Variants in RBM23 observed in about 807,000 individuals in gnomAD.
RBM23 encodes the protein RNA binding motif protein 23, also known as probable RNA-binding protein 23.
RBM23 carries 53 observed loss-of-function variants against 56.2 expected under a neutral mutation model. The observed-to-expected ratio is 0.94, with a 90% CI of 0.76 to 1.19. The LOEUF is 1.19. Among genes scored for constraint, RBM23 ranks in the 50% most tolerant of loss-of-function variants. The probability of loss-of-function intolerance (pLI) is 0.00; values close to 1 mark genes in which losing one functional copy is unlikely to be tolerated. For missense variants in RBM23, 642 were observed against 590.3 expected (o/e 1.09, Z -0.91); for synonymous variants, 197 against 198.5 (o/e 0.99, Z 0.06).
At chr14:22,906,158 A>G (rs755728969) in intron 5 of RBM23, 37 bp downstream of exon 5, 2 of 1,608,830 alleles carry the variant, frequency 1.2e-6, no homozygotes, top group Admixed American at 3.3e-5. Context: ...TATCCAGATT[A>G]TTATACAAAA....
chr14:22,916,337 A>G (rs1399912311), intron 1 of RBM23, among the ~76,000 whole-genome samples: 1 of 151,526 alleles, frequency 6.6e-6, no homozygotes, highest in Non-Finnish European at 1.5e-5. Flanking sequence ...GCTCACTGCA[A>G]CCTCTGCCTC....
At chr14:22,902,832 T>C (rs1278133104) in intron 10 of RBM23, 2 of 934,984 alleles carry the variant, frequency 2.1e-6, no homozygotes, top group Admixed American at 7.8e-5. Context: ...TAGAGTGCAG[T>C]GGCACCATGT....
In RBM23 at chr14:22,902,063, G is replaced by C. The variant is rs750481953; in HGVS notation, c.1163C>G (p.Ala388Gly). The C allele has an allele frequency of 1.1e-5, 18 of 1,612,328 alleles. No homozygotes were observed. The highest frequency in any genetic ancestry group is 1.5e-5 in the Non-Finnish European group (18 of 1,178,868). The change falls in exon 12 of 14, where the codon GCT (alanine) becomes GGT (glycine). Residue 388 changes from alanine (A) to glycine (G), a missense_variant. Transcript: ENST00000359890. Reference protein sequence around the residue: ...GIQLPSTAAAAAAAAAQAAAL... With the variant: ...GIQLPSTAAAGAAAAAQAAAL... ...AGCAGCCTGGGCGGCGGCGGCAGCAGCAGCAGCAGCAGTGCTTGGCAGTTG... is the reference window on the plus strand; with the variant it reads ...AGCAGCCTGGGCGGCGGCGGCAGCACCAGCAGCAGCAGTGCTTGGCAGTTG...
intron 1 of RBM23, among the ~76,000 whole-genome samples, chr14:22,915,314 C>G (rs550440685): frequency 4.6e-5 from 7 of 152,232 alleles, no homozygotes; most frequent in African/African-American, 1.7e-4. Flanking sequence ...AACTCTCCTG[C>G]CTCAGCCTCC....
intron 1 of RBM23, 135 bp downstream of exon 1, chr14:22,918,864 T>A (rs1462051822): frequency 6.6e-6 from 1 of 152,122 alleles, no homozygotes; most frequent in Non-Finnish European, 1.5e-5. Flanking sequence ...CAAACAAAGG[T>A]TTTTTTAATG....
Position 22,897,836 on chromosome 14 carries a change from A to G in RBM23, c.*3894T>C, listed in dbSNP as rs1165216662. ...TGCTAACTTTGTGCTTATGGGGAAAATTATTTAACTTATTTGGATATGTTT... is the reference window on the plus strand; with the variant it reads ...TGCTAACTTTGTGCTTATGGGGAAAGTTATTTAACTTATTTGGATATGTTT... On this transcript the variant is annotated 3_prime_UTR_variant, in exon 14 of 14. Coordinates refer to ENST00000359890, the MANE Select transcript of RBM23 (RefSeq NM_001077351.2). 6.6e-6 allele frequency: 1 copy of G among 152,212 alleles called. No homozygotes were observed. The highest frequency in any genetic ancestry group is 1.5e-5 in the Non-Finnish European group (1 of 68,052). The allele number at this position is 152,212 out of a possible 1,614,324, so 9.4% of individuals were successfully genotyped here.
chr14:22,902,129 C>T, intron 11 of RBM23, 30 bp from the exon 12 acceptor site: 1 of 1,604,830 alleles, frequency 6.2e-7, no homozygotes, highest in Non-Finnish European at 8.5e-7. Flanking sequence ...TGGGATTAAG[C>T]CCCAACCCTT....
At chr14:22,912,863 G>GC (rs1226601423) in intron 1 of RBM23, among the ~76,000 whole-genome samples, 4 of 151,904 alleles carry the variant, frequency 2.6e-5, no homozygotes, top group African/African-American at 9.7e-5. Context: ...AGCTGGACGT[G>GC]GTGGCACGCG....
Position 22,902,255 on chromosome 14 carries a change from T to G in RBM23, c.1058A>C (p.Asp353Ala). 1 of 1,614,138 alleles carries G rather than the reference T, an allele frequency of 6.2e-7. No homozygotes were observed. Among genetic ancestry groups the G allele is most frequent in the Non-Finnish European group, 8.5e-7 (1 of 1,180,028 alleles). Residue 353 changes from aspartate to alanine, a missense_variant, in exon 11 of 14, where the codon GAT (aspartate) becomes GCT (alanine). Transcript: ENST00000359890. ...TCCCAGATCCAGCTCCTGGTCCCCA[T>G]CAGGAAAAGTGATGTCTGTGCCACC... ...LDGGTDITFPDGDQELDLGSA... is the reference protein window; with the variant it reads ...LDGGTDITFPAGDQELDLGSA...
In RBM23 at chr14:22,897,464, C is replaced by T. The variant is rs1422937396; in HGVS notation, c.*4266G>A. 6.6e-6 allele frequency: 1 copy of T among 152,124 alleles called. No individual in the cohort carries two copies. The highest frequency in any genetic ancestry group is 1.5e-5 in the Non-Finnish European group (1 of 68,024). 9.4% of individuals were successfully genotyped at this position (152,124 alleles called of 1,614,324 possible). A position where few individuals can be genotyped will look rare whatever the true frequency, so the allele number is the denominator to read the frequency against. On this transcript the variant is annotated 3_prime_UTR_variant, in exon 14 of 14. Coordinates refer to ENST00000359890, the MANE Select transcript of RBM23 (RefSeq NM_001077351.2). ...GAGATAGCTGGCAGGTTAGATCACT[C>T]CCATGCCTCCTAGCAAGATGCTGAG...
intron 12 of RBM23, 42 bp from the exon 13 acceptor site, chr14:22,901,925 A>G: frequency 1.2e-6 from 2 of 1,613,372 alleles, no homozygotes; most frequent in East Asian, 2.2e-5. Context: ...AGCACCGCGC[A>G]CTCCTTCTTT....
At chr14:22,904,470 T>C (rs2138939716) in intron 9 of RBM23, 144 bp from the exon 10 acceptor site, 8 of 720,190 alleles carry the variant, frequency 1.1e-5, no homozygotes, top group Non-Finnish European at 1.8e-5. Flanking sequence ...AGTGAGACCT[T>C]GTCTCGGAAA....
At chr14:22,918,838 C>T (rs946337005) in intron 1 of RBM23, 161 bp downstream of exon 1, 4 of 152,192 alleles carry the variant, frequency 2.6e-5, no homozygotes, top group East Asian at 1.9e-4. Context: ...AAGTAGCTAA[C>T]ACTTCCAGGT....
intron 4 of RBM23, among the ~76,000 whole-genome samples, chr14:22,907,178 A>G (rs2041719309): frequency 6.7e-6 from 1 of 150,186 alleles, no homozygotes; most frequent in African/African-American, 2.5e-5. Context: ...TGTCTCAAAA[A>G]ACAAACCAAA....
At position 22,904,917 on chromosome 14, in the gene RBM23, G is replaced by A. The variant is rs1314576077; in HGVS notation, c.822C>T (p.Ile274=). The A allele has an allele frequency of 1.5e-5, 24 of 1,614,070 alleles. No individual in the cohort carries two copies. Among genetic ancestry groups the A allele is most frequent in the Non-Finnish European group, 2.0e-5 (24 of 1,180,036 alleles). The change falls in exon 9 of 14, where the codon ATC becomes ATT. Residue 274 remains isoleucine, a synonymous_variant. Coordinates refer to ENST00000359890, the MANE Select transcript of RBM23 (RefSeq NM_001077351.2). ...RLYVGSLHFN[I]TEDMLRGIFE... ...AGATGCCCCGGAGCATGTCTTCAGT[G>A]ATATTGAAGTGCAGGGAACCCACAT...
intron 1 of RBM23, chr14:22,917,587 T>C (rs936950008): frequency 6.6e-6 from 1 of 151,920 alleles, no homozygotes; most frequent in African/African-American, 2.4e-5. Context: ...TTTTTTTGTA[T>C]TTTTAGTAGA....
chr14:22,915,947 G>A (rs1160185140), intron 1 of RBM23, among the ~76,000 whole-genome samples: 1 of 152,234 alleles, frequency 6.6e-6, no homozygotes, highest in African/African-American at 2.4e-5. Flanking sequence ...AGGCAGAGGG[G>A]GTGGCTCACG....
In RBM23 at chr14:22,899,816, G is replaced by A. The variant is rs1166851549; in HGVS notation, c.*1914C>T. On this transcript the variant is annotated 3_prime_UTR_variant, in exon 14 of 14. Coordinates refer to ENST00000359890, the MANE Select transcript of RBM23 (RefSeq NM_001077351.2). Reference sequence around the variant, plus strand: ...TGATTTTGTGTTAAAAGCAACCCCAGAGGCTAACATCACTGGCTTAGAAGT... The same window carrying A: ...TGATTTTGTGTTAAAAGCAACCCCAAAGGCTAACATCACTGGCTTAGAAGT... 1.3e-5 allele frequency: 2 copies of A among 152,196 alleles called. No individual in the cohort carries two copies. Among genetic ancestry groups the A allele is most frequent in the Non-Finnish European group, 2.9e-5 (2 of 68,044 alleles). 9.4% of individuals were successfully genotyped at this position (152,196 alleles called of 1,614,324 possible).
In RBM23 at chr14:22,902,167, A is replaced by G; in HGVS notation, c.1126+20T>C. ...TCTAAAATTCAACCCCATAATCTTCACCTTGCGGAGATATTTTACCTTCTG... is the reference window on the plus strand; with the variant it reads ...TCTAAAATTCAACCCCATAATCTTCGCCTTGCGGAGATATTTTACCTTCTG... On this transcript the variant is annotated intron_variant, in intron 11 of 13. Transcript: ENST00000359890. 6.2e-7 allele frequency: 1 copy of G among 1,611,494 alleles called. No homozygotes were observed. The highest frequency in any genetic ancestry group is 8.5e-7 in the Non-Finnish European group (1 of 1,177,964).
Sources: gnomAD v4.1 joint callset for allele counts (sites outside exome capture counted in the v4.1 genomes callset) on GRCh38, gnomAD v4.1.1 for gene constraint, MANE v1.5 for transcripts, NCBI Gene and HGNC (gene_info 2026-07-23, HGNC 2026-07-21) for gene names.